The following RPS6KC1 variants were observed in gnomAD, a reference collection of about 807,000 sequenced individuals.
RPS6KC1 encodes inactive ribosomal protein S6 kinase delta-1.
RPS6KC1 carries 54 observed loss-of-function variants against 103.8 expected under a neutral mutation model. The observed-to-expected ratio is 0.52, with a 90% confidence interval of 0.42 to 0.65. The LOEUF is 0.65. Ranked by LOEUF, RPS6KC1 falls within the 30% of genes least tolerant of loss-of-function variation. The pLI is 0.00. For missense variants in RPS6KC1, 1,151 were observed against 1,253.8 expected (o/e 0.92, Z 1.24); for synonymous variants, 439 against 438.7 (o/e 1.00, Z -0.01).
At chr1:213,145,167 G>A (rs1223317320) in intron 6 of RPS6KC1, among the ~76,000 whole-genome samples, 2 of 152,078 alleles carry the variant, frequency 1.3e-5, no homozygotes, top group East Asian at 1.9e-4. Context: ...AATGATTTTC[G>A]AGACACTGGG....
the RPS6KC1 span, among the ~76,000 whole-genome samples, chr1:213,692,897 C>T: frequency 6.6e-6 from 1 of 152,246 alleles, no homozygotes; most frequent in African/African-American, 2.4e-5. Flanking sequence ...CATCACCTGA[C>T]ATTCACCTGA....
chr1:213,439,768 G>T, the RPS6KC1 span, among the ~76,000 whole-genome samples: 1 of 152,048 alleles, frequency 6.6e-6, no homozygotes, highest in Non-Finnish European at 1.5e-5. Flanking sequence ...ATGGGGTGCA[G>T]TTGGGCCAGA....
chr1:213,743,030 TA>T, the RPS6KC1 span, among the ~76,000 whole-genome samples: 1 of 152,208 alleles, frequency 6.6e-6, no homozygotes, highest in East Asian at 1.9e-4. Context: ...GCAATCCCAT[TA>T]CTGGGTATAT....
At chr1:213,202,771 C>T (rs575804342) in intron 8 of RPS6KC1, among the ~76,000 whole-genome samples, 20 of 152,134 alleles carry the variant, frequency 1.3e-4, no homozygotes, top group African/African-American at 4.6e-4. Flanking sequence ...ATAAATACCT[C>T]GATGCTTTCA....
chr1:213,792,528 A>T, the RPS6KC1 span, among the ~76,000 whole-genome samples: 2 of 152,032 alleles, frequency 1.3e-5, no homozygotes, highest in African/African-American at 4.8e-5. Context: ...TTTAAACCCA[A>T]TTCTTCCCTC....
At chr1:213,789,556 G>T in the RPS6KC1 span, among the ~76,000 whole-genome samples, 1 of 152,208 alleles carries the variant, frequency 6.6e-6, no homozygotes, top group South Asian at 2.1e-4. Flanking sequence ...CCATGCACCT[G>T]GTCAGCCCTT....
chr1:213,093,208 C>CTT (rs778283618), intron 3 of RPS6KC1, among the ~76,000 whole-genome samples: 9 of 136,210 alleles, frequency 6.6e-5, no homozygotes, highest in Admixed American at 7.4e-5. Context: ...TAATAATCTA[C>CTT]TTTTTTTTTT....
At chr1:213,542,715 T>C in the RPS6KC1 span, among the ~76,000 whole-genome samples, 2 of 152,366 alleles carry the variant, frequency 1.3e-5, no homozygotes, top group African/African-American at 4.8e-5. Context: ...ATTCAGGACA[T>C]AGTTAAGAAA....
chr1:213,396,053 C>G, the RPS6KC1 span, among the ~76,000 whole-genome samples: 1 of 152,072 alleles, frequency 6.6e-6, no homozygotes, highest in South Asian at 2.1e-4. Flanking sequence ...AGGTGAAATC[C>G]GAAGAGTCAG....
the RPS6KC1 span, among the ~76,000 whole-genome samples, chr1:213,299,805 A>C: frequency 6.6e-6 from 1 of 151,772 alleles, no homozygotes; most frequent in Non-Finnish European, 1.5e-5. Context: ...AATTCTTTTT[A>C]TTTTTATTTT....
intron 6 of RPS6KC1, among the ~76,000 whole-genome samples, chr1:213,166,602 A>G (rs753750329): frequency 1.3e-5 from 2 of 152,208 alleles, no homozygotes; most frequent in Non-Finnish European, 2.9e-5. Context: ...TCCACAGTTA[A>G]AAAGCAATAG....
At chr1:213,773,570 A>T in the RPS6KC1 span, among the ~76,000 whole-genome samples, 8 of 150,222 alleles carry the variant, frequency 5.3e-5, no homozygotes, top group African/African-American at 1.9e-4. Context: ...ATGTATATGT[A>T]TATGTATCTA....
chr1:213,375,705 C>T, the RPS6KC1 span, among the ~76,000 whole-genome samples: 1 of 152,196 alleles, frequency 6.6e-6, no homozygotes, highest in Non-Finnish European at 1.5e-5. Flanking sequence ...CTGGGGTTGT[C>T]TGTCTCATGC....
the RPS6KC1 span, among the ~76,000 whole-genome samples, chr1:213,382,718 C>T: frequency 6.6e-6 from 1 of 152,166 alleles, no homozygotes; most frequent in African/African-American, 2.4e-5. Context: ...GTTTTCATCT[C>T]AGAGTTCAGC....
chr1:213,807,646 C>T, the RPS6KC1 span, among the ~76,000 whole-genome samples: 2 of 152,124 alleles, frequency 1.3e-5, no homozygotes, highest in East Asian at 3.9e-4. Context: ...CCTTTAAGCA[C>T]TTCTCTGTAT....
At chr1:213,288,469 A>G in the RPS6KC1 span, among the ~76,000 whole-genome samples, 1 of 152,216 alleles carries the variant, frequency 6.6e-6, no homozygotes, top group African/African-American at 2.4e-5. Context: ...ACAGATTCAA[A>G]CATTCCTTTC....
the RPS6KC1 span, among the ~76,000 whole-genome samples, chr1:213,463,315 A>G: frequency 6.6e-6 from 1 of 152,146 alleles, no homozygotes; most frequent in Non-Finnish European, 1.5e-5. Flanking sequence ...GCTCTGCTTC[A>G]GTTTGAATCT....
At chr1:213,287,232 ATGTGTGTGTGTGTGTGTG>A in the RPS6KC1 span, among the ~76,000 whole-genome samples, 20 of 146,728 alleles carry the variant, frequency 1.4e-4, no homozygotes, top group Non-Finnish European at 1.7e-4. Flanking sequence ...TGCCTATACA[ATGTGTGTGTGTGTGTGTG>A]TGTGTGTGTG....
the RPS6KC1 span, among the ~76,000 whole-genome samples, chr1:213,338,393 T>C: frequency 6.6e-6 from 1 of 152,214 alleles, no homozygotes; most frequent in African/African-American, 2.4e-5. Flanking sequence ...CACTTCATAG[T>C]TTGTACATTC....
Sources: allele counts gnomAD v4.1 joint callset (sites outside exome capture counted in the v4.1 genomes callset), GRCh38; gene constraint gnomAD v4.1.1; transcripts MANE v1.5; gene names NCBI Gene and HGNC (gene_info 2026-07-23, HGNC 2026-07-21).